The following CNTNAP2 variants were observed in gnomAD, a reference collection of about 807,000 sequenced individuals.
CNTNAP2 encodes contactin-associated protein-like 2.
Under a neutral mutation model 155.2 loss-of-function variants are expected in CNTNAP2, and 98 were observed. That is an observed-to-expected ratio of 0.63 (90% CI 0.54 to 0.75). CNTNAP2 has a LOEUF of 0.75. Ranked by LOEUF, CNTNAP2 falls within the 30% of genes least tolerant of loss-of-function variation. The probability of loss-of-function intolerance (pLI) is 0.00; values close to 1 mark genes in which losing one functional copy is unlikely to be tolerated. For synonymous variants in CNTNAP2, 651 were observed against 631.2 expected (o/e 1.03, Z -0.47); for missense variants, 1,727 against 1,688.1 (o/e 1.02, Z -0.40).
chr7:147,378,136 T>C (rs1203189351), intron 9 of CNTNAP2: 1 of 336,242 alleles, frequency 3.0e-6, no homozygotes, highest in Non-Finnish European at 6.0e-6. Context: ...TTATACTGTA[T>C]ATTGTAGAAT....
At chr7:148,085,535 C>T (rs948378095) in intron 15 of CNTNAP2, among the ~76,000 whole-genome samples, 1 of 151,990 alleles carries the variant, frequency 6.6e-6, no homozygotes, top group Non-Finnish European at 1.5e-5. Flanking sequence ...TAAAAGAATA[C>T]CCGTGTTTTT....
At chr7:147,821,852 A>G (rs117524359) in intron 13 of CNTNAP2, among the ~76,000 whole-genome samples, 4,961 of 152,292 alleles carry the variant, frequency 0.033, 135 homozygotes, top group Non-Finnish European at 0.052. Context: ...ATGAAAAACT[A>G]CTAAAAGTTA....
At chr7:147,673,561 C>A (rs549143836) in intron 13 of CNTNAP2, among the ~76,000 whole-genome samples, 17 of 152,262 alleles carry the variant, frequency 1.1e-4, no homozygotes, top group Non-Finnish European at 2.5e-4. Flanking sequence ...TATTCTATTA[C>A]CCCATTGAGA....
intron 17 of CNTNAP2, among the ~76,000 whole-genome samples, chr7:148,158,259 T>C (rs950947054): frequency 1.7e-5 from 2 of 115,470 alleles, no homozygotes; most frequent in Non-Finnish European, 3.3e-5. Flanking sequence ...AGTCTCCCTC[T>C]GTTACCAGGC....
intron 3 of CNTNAP2, among the ~76,000 whole-genome samples, chr7:146,927,805 G>A (rs1796638092): frequency 1.3e-5 from 2 of 151,732 alleles, no homozygotes; most frequent in African/African-American, 4.8e-5. Context: ...ACATGTATAT[G>A]TCTTGGGCAC....
At chr7:147,175,189 A>G (rs1204000534) in intron 8 of CNTNAP2, among the ~76,000 whole-genome samples, 2 of 152,176 alleles carry the variant, frequency 1.3e-5, no homozygotes, top group African/African-American at 2.4e-5. Flanking sequence ...TAAATCACCC[A>G]GGATTAAATC....
intron 1 of CNTNAP2, among the ~76,000 whole-genome samples, chr7:146,419,483 C>T (rs1379936172): frequency 6.6e-6 from 1 of 152,050 alleles, no homozygotes; most frequent in Non-Finnish European, 1.5e-5. Flanking sequence ...AGGGAACTAA[C>T]AAAGATTTCA....
chr7:147,359,003 G>C (rs904243619), intron 9 of CNTNAP2, among the ~76,000 whole-genome samples: 1 of 152,140 alleles, frequency 6.6e-6, no homozygotes, highest in Middle Eastern at 3.4e-3. Context: ...CTAGCTCAAA[G>C]GTAATTGTCT....
intron 1 of CNTNAP2, among the ~76,000 whole-genome samples, chr7:146,328,773 G>A (rs1021977440): frequency 2.6e-5 from 4 of 152,080 alleles, no homozygotes; most frequent in Admixed American, 2.0e-4. Context: ...CCACATCTAC[G>A]TGAGATCACG....
intron 18 of CNTNAP2, among the ~76,000 whole-genome samples, chr7:148,208,053 C>T (rs1276300400): frequency 2.0e-5 from 3 of 150,898 alleles, no homozygotes; most frequent in Non-Finnish European, 4.4e-5. Flanking sequence ...TACGCCACTG[C>T]GCTCCAGCCT....
At chr7:147,269,123 T>C (rs1804683181) in intron 8 of CNTNAP2, among the ~76,000 whole-genome samples, 1 of 152,210 alleles carries the variant, frequency 6.6e-6, no homozygotes, top group Admixed American at 6.5e-5. Flanking sequence ...TCACGGGTCC[T>C]GAATCTAAAG....
chr7:147,862,997 G>C (rs1175342294), intron 13 of CNTNAP2, among the ~76,000 whole-genome samples: 1 of 151,940 alleles, frequency 6.6e-6, no homozygotes, highest in Non-Finnish European at 1.5e-5. Flanking sequence ...TTGATACAGA[G>C]GTATACATAT....
chr7:146,468,285 G>A (rs1030778501), intron 1 of CNTNAP2, among the ~76,000 whole-genome samples: 1 of 152,122 alleles, frequency 6.6e-6, no homozygotes, highest in African/African-American at 2.4e-5. Flanking sequence ...GACTACTAGA[G>A]CAGGGAGGAG....
In CNTNAP2 at chr7:147,048,217, G is replaced by A. The variant is rs1799404533; in HGVS notation, c.550+4163G>A. ...GAGGCAATTTTACATTAGCCAGGTG[G>A]GCCCTAAGTGCAATCACATGTGTCA... is the stretch of plus-strand genomic sequence containing the variant. On this transcript the variant is annotated intron_variant, in intron 4 of 23. Transcript: ENST00000361727. Among the ~76,000 whole-genome samples the A allele has an allele frequency of 2.6e-5, 4 of 151,984 alleles. No homozygotes were observed. In the South Asian group the frequency reaches 8.3e-4, roughly 32 times the overall value.
chr7:147,324,466 T>C (rs962955653), intron 9 of CNTNAP2, among the ~76,000 whole-genome samples: 1 of 152,216 alleles, frequency 6.6e-6, no homozygotes, highest in African/African-American at 2.4e-5. Flanking sequence ...TTCAGCCTTA[T>C]GTTTTCATCT....
At chr7:147,476,070 C>A (rs978332645) in intron 10 of CNTNAP2, among the ~76,000 whole-genome samples, 41 of 151,914 alleles carry the variant, frequency 2.7e-4, no homozygotes, top group Admixed American at 1.1e-3. Context: ...AATATAATAT[C>A]CCCGCCTCTG....
At chr7:147,181,639 C>T (rs995503471) in intron 8 of CNTNAP2, among the ~76,000 whole-genome samples, 1 of 152,022 alleles carries the variant, frequency 6.6e-6, no homozygotes, top group Non-Finnish European at 1.5e-5. Flanking sequence ...TTGATGGAGG[C>T]CATTTTACTT....
At chr7:147,150,071 C>G (rs538567532) in intron 8 of CNTNAP2, among the ~76,000 whole-genome samples, 2 of 152,142 alleles carry the variant, frequency 1.3e-5, no homozygotes, top group East Asian at 1.9e-4. Context: ...GGACGTGTCA[C>G]GTTTTAGATG....
intron 1 of CNTNAP2, among the ~76,000 whole-genome samples, chr7:146,657,470 T>C (rs1292445029): frequency 6.6e-6 from 1 of 152,200 alleles, no homozygotes; most frequent in Non-Finnish European, 1.5e-5. Flanking sequence ...TTCTAGTAGC[T>C]ACTTCAAAAA....
Sources: gnomAD v4.1 joint callset for allele counts (sites outside exome capture counted in the v4.1 genomes callset) on GRCh38, gnomAD v4.1.1 for gene constraint, MANE v1.5 for transcripts, NCBI Gene and HGNC (gene_info 2026-07-23, HGNC 2026-07-21) for gene names.